Variants in SLC9A9 observed in about 807,000 individuals in gnomAD.
The protein encoded by SLC9A9 is sodium/hydrogen exchanger 9.
Under a neutral mutation model 77.8 loss-of-function variants are expected in SLC9A9, and 62 were observed. The observed-to-expected ratio is 0.80, with a 90% confidence interval of 0.65 to 0.98. SLC9A9 has a LOEUF of 0.98. Ranked by LOEUF, SLC9A9 falls within the 50% of genes least tolerant of loss-of-function variation. The probability of loss-of-function intolerance (pLI) is 0.00; values close to 1 mark genes in which losing one functional copy is unlikely to be tolerated. For synonymous variants in SLC9A9, 320 were observed against 283.5 expected, an observed-to-expected ratio of 1.13 and a Z score of -1.29; for missense variants, 775 against 774.9, an observed-to-expected ratio of 1.00 and a Z score of 0.00.
chr3:143,596,046 T>C (rs755227757), intron 6 of SLC9A9, among the ~76,000 whole-genome samples: 1 of 152,172 alleles, frequency 6.6e-6, no homozygotes, highest in Non-Finnish European at 1.5e-5. Flanking sequence ...ATGTTTCCTA[T>C]AGCCTAGGGC....
chr3:143,436,806 G>T (rs1002502199), intron 12 of SLC9A9, among the ~76,000 whole-genome samples: 3 of 152,204 alleles, frequency 2.0e-5, no homozygotes, highest in African/African-American at 7.2e-5. Context: ...CAGCTGGGAT[G>T]AGTTGGCTGT....
intron 6 of SLC9A9, among the ~76,000 whole-genome samples, chr3:143,618,529 A>C (rs1161809523): frequency 1.3e-5 from 2 of 152,034 alleles, no homozygotes; most frequent in East Asian, 3.9e-4. Flanking sequence ...GACAGTACAA[A>C]GTTCATTTGC....
chr3:143,546,007 C>T (rs1252802290), intron 9 of SLC9A9, among the ~76,000 whole-genome samples: 3 of 152,170 alleles, frequency 2.0e-5, no homozygotes, highest in Non-Finnish European at 4.4e-5. Flanking sequence ...TTAGTTCAAT[C>T]ATTCATTTTA....
chr3:143,595,012 G>A (rs978256177), intron 6 of SLC9A9, among the ~76,000 whole-genome samples: 6 of 152,136 alleles, frequency 3.9e-5, no homozygotes, highest in African/African-American at 1.4e-4. Flanking sequence ...ATTCCTTTGG[G>A]GACAAAATGA....
chr3:143,527,483 T>C (rs1272583368), intron 9 of SLC9A9, among the ~76,000 whole-genome samples: 2 of 152,216 alleles, frequency 1.3e-5, no homozygotes, highest in African/African-American at 4.8e-5. Flanking sequence ...CTTGACTAGT[T>C]GTCTTTGTGC....
chr3:143,699,561 G>A (rs940368132), intron 4 of SLC9A9, among the ~76,000 whole-genome samples: 116 of 152,250 alleles, frequency 7.6e-4, no homozygotes, highest in African/African-American at 2.5e-3. Flanking sequence ...TGAACTTACC[G>A]GTGCCGTGTC....
chr3:143,410,447 C>CCA (rs1356168119), intron 12 of SLC9A9, among the ~76,000 whole-genome samples: 3 of 152,184 alleles, frequency 2.0e-5, no homozygotes, highest in African/African-American at 7.2e-5. Flanking sequence ...ATATCACCTT[C>CCA]CACCTCATTA....
chr3:143,581,780 T>C (rs1390453682), intron 6 of SLC9A9, among the ~76,000 whole-genome samples: 2 of 152,138 alleles, frequency 1.3e-5, no homozygotes, highest in Non-Finnish European at 2.9e-5. Context: ...GGATGGAACA[T>C]GGGCAGCACC....
At chr3:143,330,265 A>G (rs538260493) in intron 14 of SLC9A9, among the ~76,000 whole-genome samples, 24 of 152,350 alleles carry the variant, frequency 1.6e-4, no homozygotes, top group African/African-American at 5.5e-4. Context: ...GAATGAGCTT[A>G]GCAGTTTTAT....
intron 5 of SLC9A9, among the ~76,000 whole-genome samples, chr3:143,671,542 CTT>C (rs2039153396): frequency 6.6e-6 from 1 of 152,102 alleles, no homozygotes; most frequent in Non-Finnish European, 1.5e-5. Flanking sequence ...TCTTTGAGCT[CTT>C]TGAAAGAGTC....
chr3:143,577,518 G>A (rs1381626580), intron 7 of SLC9A9, among the ~76,000 whole-genome samples: 1 of 152,156 alleles, frequency 6.6e-6, no homozygotes, highest in Non-Finnish European at 1.5e-5. Context: ...CCTTGTCCCA[G>A]TTTGAGTGTT....
intron 12 of SLC9A9, among the ~76,000 whole-genome samples, chr3:143,389,028 C>G (rs1447175014): frequency 1.3e-5 from 2 of 152,140 alleles, no homozygotes; most frequent in Non-Finnish European, 2.9e-5. Flanking sequence ...ATAAATAGCT[C>G]TGTGTGGCTA....
Position 143,493,760 on chromosome 3 carries a change from G to A in SLC9A9, c.1208C>T (p.Ala403Val). The A allele has an allele frequency of 6.2e-7, 1 of 1,609,618 alleles. No individual in the cohort carries two copies. The highest frequency in any genetic ancestry group is 8.5e-7 in the Non-Finnish European group (1 of 1,175,936). Residue 403 changes from alanine (A) to valine (V), a missense_variant, in exon 11 of 16, where the codon GCA becomes GTA. By Grantham distance (64) the Ala-to-Val change is moderately conservative. Transcript: ENST00000316549. ...NALFILGAFLAIFVARACNIY... is the reference protein window; with the variant it reads ...NALFILGAFLVIFVARACNIY... ...GTTGCAGGCTCTGGCAACAAAAATTGCTAGCTGTAGATAAGCACAGGGAAA... is the reference window on the plus strand; with the variant it reads ...GTTGCAGGCTCTGGCAACAAAAATTACTAGCTGTAGATAAGCACAGGGAAA...
chr3:143,841,918 T>C (rs1004759885), intron 1 of SLC9A9, among the ~76,000 whole-genome samples: 5 of 152,024 alleles, frequency 3.3e-5, no homozygotes, highest in African/African-American at 1.2e-4. Context: ...TATACCTGGC[T>C]AATTTTTGTA....
chr3:143,409,172 C>A lies in SLC9A9; in HGVS notation c.1470-27058G>T, dbSNP rs561714957. On this transcript the variant is annotated intron_variant, in intron 12 of 15. Transcript: ENST00000316549. Reference sequence around the variant, plus strand: ...TAGTGCCCATATTCAGTTACCACCACTGGTATTAACTCAAAATAAAGCTCT... The same window carrying A: ...TAGTGCCCATATTCAGTTACCACCAATGGTATTAACTCAAAATAAAGCTCT... Among the ~76,000 whole-genome samples, 3 of 152,332 alleles carry A rather than the reference C, an allele frequency of 2.0e-5. No homozygotes were observed. In the East Asian group the frequency reaches 5.8e-4, roughly 29 times the overall value.
chr3:143,423,218 C>T (rs1358563411), intron 12 of SLC9A9, among the ~76,000 whole-genome samples: 1 of 25,812 alleles, frequency 3.9e-5, no homozygotes, highest in African/African-American at 1.5e-4. Context: ...CACACACGTA[C>T]ACACACACAC....
chr3:143,723,285 G>A (rs1358852788), intron 4 of SLC9A9, among the ~76,000 whole-genome samples: 1 of 152,068 alleles, frequency 6.6e-6, no homozygotes, highest in South Asian at 2.1e-4. Context: ...AAAGGCCCAC[G>A]TTTCTGAAAA....
At chr3:143,739,214 G>T (rs1935021166) in intron 4 of SLC9A9, among the ~76,000 whole-genome samples, 1 of 152,156 alleles carries the variant, frequency 6.6e-6, no homozygotes, top group African/African-American at 2.4e-5. Context: ...AAGTATAGAT[G>T]AAAGGGGATT....
At chr3:143,846,845 T>C (rs1362810281) in intron 1 of SLC9A9, among the ~76,000 whole-genome samples, 2 of 152,076 alleles carry the variant, frequency 1.3e-5, no homozygotes, top group South Asian at 2.1e-4. Context: ...ACATGTGCCA[T>C]GTTGGTGTGC....
Sources: allele counts gnomAD v4.1 joint callset (sites outside exome capture counted in the v4.1 genomes callset), GRCh38; gene constraint gnomAD v4.1.1; transcripts MANE v1.5; gene names NCBI Gene and HGNC (gene_info 2026-07-23, HGNC 2026-07-21).